Variants in TENM1 observed in about 807,000 individuals in gnomAD.
The protein encoded by TENM1 is teneurin transmembrane protein 1, also known as teneurin-1.
TENM1 carries 35 observed loss-of-function variants against 174.8 expected under a neutral mutation model. The observed-to-expected ratio is 0.20, with a 90% CI of 0.15 to 0.27. The LOEUF (loss-of-function observed/expected upper bound fraction) is 0.27. Ranked by LOEUF, TENM1 falls within the 10% of genes least tolerant of loss-of-function variation. The pLI, the probability that TENM1 is intolerant of heterozygous loss-of-function variation, is 1.00. For synonymous variants in TENM1, 781 were observed against 798.7 expected (o/e 0.98, Z 0.37); for missense variants, 1,633 against 2,130.1 (o/e 0.77, Z 4.59).
the TENM1 span, among the ~76,000 whole-genome samples, chrX:125,099,486 G>C: frequency 3.6e-5 from 4 of 112,078 alleles, no homozygotes; most frequent in Admixed American, 9.5e-5. Context: ...TCAGAGAATG[G>C]ACCTTGTAAT....
At chrX:125,022,994 C>T in the TENM1 span, among the ~76,000 whole-genome samples, 1 of 111,518 alleles carries the variant, frequency 9.0e-6, no homozygotes, top group Non-Finnish European at 1.9e-5. Context: ...GCTTTGGCCA[C>T]ATCAGTTCTG....
chrX:124,485,437 T>C (rs2046933025), intron 21 of TENM1, among the ~76,000 whole-genome samples: 1 of 111,076 alleles, frequency 9.0e-6, no homozygotes, highest in African/African-American at 3.3e-5. Flanking sequence ...ATAGTTAAAT[T>C]TTTGCCTTCA....
intron 4 of TENM1, among the ~76,000 whole-genome samples, chrX:124,718,446 AT>A (rs1238201730): frequency 8.9e-6 from 1 of 112,418 alleles, no homozygotes; most frequent in Non-Finnish European, 1.9e-5. Context: ...TCAATTAAGT[AT>A]AGTACAAACA....
the TENM1 span, among the ~76,000 whole-genome samples, chrX:125,062,004 G>T: frequency 1.8e-5 from 2 of 112,338 alleles, no homozygotes; most frequent in South Asian, 7.3e-4. Context: ...TCCAAACTAT[G>T]AAATCAGAAT....
At chrX:124,737,686 C>T (rs1005586252) in intron 3 of TENM1, among the ~76,000 whole-genome samples, 3 of 112,274 alleles carry the variant, frequency 2.7e-5, no homozygotes, top group African/African-American at 3.2e-5. Flanking sequence ...CTTGCCTATA[C>T]GGGAGCAAAT....
the TENM1 span, among the ~76,000 whole-genome samples, chrX:125,155,586 C>T: frequency 8.9e-6 from 1 of 112,077 alleles, no homozygotes; most frequent in Non-Finnish European, 1.9e-5. Context: ...GAGGGAGGCT[C>T]AGGCATGGCG....
chrX:124,846,084 G>T (rs1056604648), intron 3 of TENM1, among the ~76,000 whole-genome samples: 2 of 109,861 alleles, frequency 1.8e-5, no homozygotes, highest in Non-Finnish European at 3.8e-5. Flanking sequence ...GTTAGGAAGA[G>T]ATATGCCCCA....
chrX:124,827,636 T>TA (rs970870765), intron 3 of TENM1, among the ~76,000 whole-genome samples: 4 of 110,866 alleles, frequency 3.6e-5, no homozygotes, highest in African/African-American at 1.3e-4. Flanking sequence ...ACATTATTAT[T>TA]TTTTTTTATA....
At position 124,542,011 on chromosome X, in the gene TENM1, G is replaced by A. The variant is rs781319138; in HGVS notation, c.2651+4863C>T. On this transcript the variant is annotated intron_variant, in intron 15 of 31. Coordinates refer to ENST00000422452, the Ensembl canonical transcript of TENM1. ...AAACCTAAGGCTAGCTACCATGCCAGTAGGAGGCCCAAGTAGTCAAATAGA... is the reference window on the plus strand; with the variant it reads ...AAACCTAAGGCTAGCTACCATGCCAATAGGAGGCCCAAGTAGTCAAATAGA... Among the ~76,000 whole-genome samples, 7 of 112,217 alleles carry A rather than the reference G, an allele frequency of 6.2e-5. No homozygotes were observed. In the South Asian group the frequency reaches 2.6e-3, roughly 42 times the overall value.
intron 1 of TENM1, among the ~76,000 whole-genome samples, chrX:124,928,743 A>G (rs1423108567): frequency 9.0e-6 from 1 of 111,614 alleles, no homozygotes; most frequent in Non-Finnish European, 1.9e-5. Flanking sequence ...GTGCTTATCC[A>G]ATAGCTATAG....
chrX:125,028,161 C>T, the TENM1 span, among the ~76,000 whole-genome samples: 4 of 111,895 alleles, frequency 3.6e-5, no homozygotes, highest in Non-Finnish European at 7.5e-5. Context: ...AGAATATTTA[C>T]TGCTGCACTG....
At chrX:124,625,431 C>T (rs1003269823) in intron 11 of TENM1, among the ~76,000 whole-genome samples, 3 of 110,678 alleles carry the variant, frequency 2.7e-5, no homozygotes. Context: ...ATGGTGACGA[C>T]ACTTAATAAC....
intron 8 of TENM1, among the ~76,000 whole-genome samples, chrX:124,651,184 T>C (rs12842180): frequency 0.13 from 14,012 of 111,312 alleles, 1,895 homozygotes; most frequent in African/African-American, 0.4. Context: ...TTTTCAGGAC[T>C]CTAAAATTGC....
chrX:124,432,534 G>A (rs917327004), intron 23 of TENM1, among the ~76,000 whole-genome samples: 1 of 111,792 alleles, frequency 8.9e-6, no homozygotes, highest in African/African-American at 3.3e-5. Context: ...TAAGCCTCCT[G>A]AGTAGCTGGG....
At chrX:124,518,748 G>T (rs191920775) in intron 18 of TENM1, among the ~76,000 whole-genome samples, 1 of 111,472 alleles carries the variant, frequency 9.0e-6, no homozygotes, top group Admixed American at 9.6e-5. Flanking sequence ...TTTATCCAGC[G>T]TCACACAGCT....
chrX:125,052,828 T>TAACAA, the TENM1 span, among the ~76,000 whole-genome samples: 1 of 112,117 alleles, frequency 8.9e-6, no homozygotes, highest in African/African-American at 3.2e-5. Flanking sequence ...AGTAGTGAAA[T>TAACAA]TGTTGTTCCC....
intron 16 of TENM1, among the ~76,000 whole-genome samples, chrX:124,524,139 G>C (rs2047919967): frequency 9.0e-6 from 1 of 111,055 alleles, no homozygotes; most frequent in Non-Finnish European, 1.9e-5. Context: ...GCCTCCCAAA[G>C]TGCTGGGATT....
chrX:124,956,063 C>A (rs2058569887), intron 1 of TENM1, among the ~76,000 whole-genome samples: 1 of 111,639 alleles, frequency 9.0e-6, no homozygotes, highest in Non-Finnish European at 1.9e-5. Flanking sequence ...TAACAGAATC[C>A]ATTTAAAGTG....
At chrX:125,115,159 A>G in the TENM1 span, among the ~76,000 whole-genome samples, 5 of 111,833 alleles carry the variant, frequency 4.5e-5, no homozygotes, top group East Asian at 1.4e-3. Flanking sequence ...ATCTCAATAG[A>G]TCCAGAAAAG....
Sources: allele counts gnomAD v4.1 joint callset (sites outside exome capture counted in the v4.1 genomes callset), GRCh38; gene constraint gnomAD v4.1.1; transcripts MANE v1.5; gene names NCBI Gene and HGNC (gene_info 2026-07-23, HGNC 2026-07-21).